EPB41L5: variants seen among roughly 807,000 people sequenced by gnomAD.
EPB41L5 encodes the protein band 4.1-like protein 5.
Under a neutral mutation model 106.6 loss-of-function variants are expected in EPB41L5, and 55 were observed. That is an observed-to-expected ratio of 0.52 (90% CI 0.42 to 0.65). The LOEUF is 0.65. Ranked by LOEUF, EPB41L5 falls within the 30% of genes least tolerant of loss-of-function variation. EPB41L5 has a pLI of 0.00. For missense variants in EPB41L5, 871 were observed against 882.1 expected, an observed-to-expected ratio of 0.99 and a Z score of 0.16; for synonymous variants, 297 against 306.7, an observed-to-expected ratio of 0.97 and a Z score of 0.33.
At chr2:120,089,602 C>T (rs1431533850) in intron 11 of EPB41L5, among the ~76,000 whole-genome samples, 1 of 151,884 alleles carries the variant, frequency 6.6e-6, no homozygotes, top group East Asian at 1.9e-4. Flanking sequence ...TTACATATGC[C>T]TCTATTTACT....
chr2:120,065,691 A>G (rs1017503773), intron 3 of EPB41L5, among the ~76,000 whole-genome samples: 1 of 151,522 alleles, frequency 6.6e-6, no homozygotes, highest in African/African-American at 2.4e-5. Flanking sequence ...TAATTTTTGT[A>G]TTTTTAGTAG....
At chr2:120,093,362 C>A in intron 14 of EPB41L5, 86 bp downstream of exon 14, 1 of 1,104,600 alleles carries the variant, frequency 9.1e-7, no homozygotes, top group Non-Finnish European at 1.4e-6. Context: ...TAAGACCTAT[C>A]AAAATGTCAA....
At chr2:120,042,232 C>T (rs1679449288) in intron 3 of EPB41L5, 122 bp downstream of exon 3, 2 of 596,482 alleles carry the variant, frequency 3.4e-6, no homozygotes, top group South Asian at 5.3e-5. Flanking sequence ...AGCTTTGACA[C>T]CGCTCCCTCC....
At chr2:120,091,412 GA>G (rs1315946067) in intron 12 of EPB41L5, 142 bp from the exon 13 acceptor site, 2 of 607,006 alleles carry the variant, frequency 3.3e-6, no homozygotes, top group African/African-American at 3.7e-5. Context: ...TAAAGAGAGA[GA>G]TCGAGACTAT....
At chr2:120,150,973 G>A (rs1433666325) in intron 20 of EPB41L5, among the ~76,000 whole-genome samples, 1 of 152,146 alleles carries the variant, frequency 6.6e-6, no homozygotes, top group African/African-American at 2.4e-5. Flanking sequence ...CAGTTGCATA[G>A]CTTTGGCTAG....
intron 21 of EPB41L5, among the ~76,000 whole-genome samples, chr2:120,162,737 C>G (rs1017118030): frequency 2.0e-4 from 30 of 152,140 alleles, no homozygotes; most frequent in African/African-American, 6.5e-4. Context: ...ATGAATGAAA[C>G]ATGGTCTCAG....
chr2:120,143,262 A>G (rs1686263491), intron 19 of EPB41L5, 131 bp downstream of exon 19: 1 of 1,083,570 alleles, frequency 9.2e-7, no homozygotes, highest in Admixed American at 2.8e-5. Context: ...AATAAGAGTA[A>G]AGATGCTCAG....
chr2:120,033,769 C>T (rs1025365655), intron 2 of EPB41L5, among the ~76,000 whole-genome samples: 1 of 151,092 alleles, frequency 6.6e-6, no homozygotes, highest in African/African-American at 2.4e-5. Flanking sequence ...TGGCGAAAAC[C>T]GCAATTACTT....
intron 1 of EPB41L5, among the ~76,000 whole-genome samples, chr2:120,014,907 C>T (rs543201393): frequency 4.0e-5 from 6 of 148,866 alleles, no homozygotes; most frequent in Non-Finnish European, 5.9e-5. Context: ...ACATGAAGAG[C>T]GCAATTGGAA....
At chr2:120,107,278 T>C (rs1684507956) in intron 16 of EPB41L5, among the ~76,000 whole-genome samples, 1 of 152,160 alleles carries the variant, frequency 6.6e-6, no homozygotes, top group Non-Finnish European at 1.5e-5. Flanking sequence ...CCATGGTTCA[T>C]TGCTTTGAGA....
chr2:120,100,674 T>C, intron 15 of EPB41L5, 25 bp from the exon 16 acceptor site: 2 of 1,554,960 alleles, frequency 1.3e-6, no homozygotes, highest in South Asian at 1.1e-5. Flanking sequence ...GCAAAATAGA[T>C]AATTTTTATA....
Position 120,149,143 on chromosome 2 carries a change from C to A in EPB41L5, c.1793+2854C>A, listed in dbSNP as rs554792944. Among the ~76,000 whole-genome samples the A allele has an allele frequency of 1.1e-4, 17 of 151,812 alleles. 1 individual carries two copies. In the South Asian group the frequency reaches 3.3e-3, roughly 30 times the overall value. ...ATGTTGAACATCCTTTCGTGTATGT[C>A]TATTTGGAGAAATGTCTATTCAGAT... On this transcript the variant is annotated intron_variant, in intron 20 of 24. Coordinates refer to ENST00000263713, the MANE Select transcript of EPB41L5 (RefSeq NM_020909.4).
intron 2 of EPB41L5, among the ~76,000 whole-genome samples, chr2:120,038,732 C>T (rs763704348): frequency 9.2e-5 from 14 of 152,050 alleles, no homozygotes; most frequent in South Asian, 4.2e-4. Flanking sequence ...CTTGCCTGGG[C>T]GACAGAGTGA....
chr2:120,158,234 A>G (rs990234939), intron 20 of EPB41L5, among the ~76,000 whole-genome samples: 2 of 152,212 alleles, frequency 1.3e-5, no homozygotes, highest in Non-Finnish European at 2.9e-5. Flanking sequence ...GGACTCCTCC[A>G]TAACTCATTC....
chr2:120,039,932 G>GT (rs1358626698), intron 2 of EPB41L5, among the ~76,000 whole-genome samples: 1 of 151,952 alleles, frequency 6.6e-6, no homozygotes, highest in Non-Finnish European at 1.5e-5. Context: ...GACATTCCAG[G>GT]TGAAATCTAG....
intron 16 of EPB41L5, chr2:120,104,002 C>T (rs1160637473): frequency 1.4e-6 from 2 of 1,452,118 alleles, no homozygotes; most frequent in Admixed American, 2.5e-5. Flanking sequence ...CTTACACATC[C>T]ATTTTCTCCT....
At chr2:120,088,627 A>C (rs1203452347) in intron 11 of EPB41L5, among the ~76,000 whole-genome samples, 2 of 152,232 alleles carry the variant, frequency 1.3e-5, no homozygotes, top group African/African-American at 4.8e-5. Context: ...TGCTCTGAAC[A>C]CTAAGGTGTA....
At chr2:120,100,387 C>T in intron 15 of EPB41L5, 101 bp downstream of exon 15, 1 of 1,080,938 alleles carries the variant, frequency 9.3e-7, no homozygotes, top group Non-Finnish European at 1.4e-6. Context: ...TAACCCTGCA[C>T]AAATTATGTG....
At chr2:120,158,630 T>A (rs1377866042) in intron 20 of EPB41L5, among the ~76,000 whole-genome samples, 3 of 152,162 alleles carry the variant, frequency 2.0e-5, no homozygotes, top group Non-Finnish European at 2.9e-5. Flanking sequence ...ACAGCCAACA[T>A]CATACTGAAT....
Sources: allele counts gnomAD v4.1 joint callset (sites outside exome capture counted in the v4.1 genomes callset), GRCh38; gene constraint gnomAD v4.1.1; transcripts MANE v1.5; gene names NCBI Gene and HGNC (gene_info 2026-07-23, HGNC 2026-07-21).